AXDND1: variants seen among roughly 807,000 people sequenced by gnomAD.
The protein encoded by AXDND1 is axonemal dynein light chain domain-containing protein 1.
AXDND1 carries 110 observed loss-of-function variants against 137.5 expected under a neutral mutation model. The observed-to-expected ratio is 0.80, with a 90% confidence interval of 0.69 to 0.94. The LOEUF is 0.94. AXDND1 is among the 40% of genes least tolerant of loss of function. The probability of loss-of-function intolerance (pLI) is 0.00; values close to 1 mark genes in which losing one functional copy is unlikely to be tolerated. For missense variants in AXDND1, 1,191 were observed against 1,169.8 expected (o/e 1.02, Z -0.26); for synonymous variants, 414 against 399.7 (o/e 1.04, Z -0.43).
At chr1:179,450,303 G>A (rs1401514349) in intron 16 of AXDND1, 1 of 152,114 alleles carries the variant, frequency 6.6e-6, no homozygotes, top group Non-Finnish European at 1.5e-5. Flanking sequence ...CGTGAGCCAT[G>A]GTGGCCTGGA....
chr1:179,398,226 A>G (rs1374926504), intron 11 of AXDND1, among the ~76,000 whole-genome samples: 1 of 152,132 alleles, frequency 6.6e-6, no homozygotes, highest in Non-Finnish European at 1.5e-5. Context: ...GGATTCAACC[A>G]ACTGGCTTTA....
At chr1:179,390,687 C>CTGGT (rs5779023) in intron 9 of AXDND1, among the ~76,000 whole-genome samples, 132,118 of 151,848 alleles carry the variant, frequency 0.87, 57,557 homozygotes, top group East Asian at 0.9. Flanking sequence ...AATTAGGGCT[C>CTGGT]TACAATTTTC....
At chr1:179,396,907 G>A (rs1175468115) in intron 11 of AXDND1, among the ~76,000 whole-genome samples, 1 of 152,112 alleles carries the variant, frequency 6.6e-6, no homozygotes, top group Non-Finnish European at 1.5e-5. Context: ...CTTGAAGATA[G>A]CATACCAATG....
chr1:179,510,850 A>G (rs1374317628), intron 21 of AXDND1, among the ~76,000 whole-genome samples: 3 of 152,080 alleles, frequency 2.0e-5, no homozygotes, highest in Non-Finnish European at 4.4e-5. Context: ...CCATCACTCG[A>G]GTAGTATACA....
intron 16 of AXDND1, among the ~76,000 whole-genome samples, chr1:179,459,883 TC>T (rs1375661376): frequency 1.4e-5 from 2 of 141,902 alleles, no homozygotes; most frequent in Non-Finnish European, 3.0e-5. Flanking sequence ...TTTTCTTTTC[TC>T]TTTTCTTTTC....
At chr1:179,423,795 A>C (rs12757935) in intron 12 of AXDND1, among the ~76,000 whole-genome samples, 44,636 of 152,058 alleles carry the variant, frequency 0.29, 6,760 homozygotes, top group Non-Finnish European at 0.31. Flanking sequence ...GTATATATTA[A>C]CCATCTCTTA....
chr1:179,427,635 A>G (rs546725489), intron 12 of AXDND1, among the ~76,000 whole-genome samples: 142 of 152,302 alleles, frequency 9.3e-4, no homozygotes, highest in African/African-American at 3.3e-3. Flanking sequence ...AATAATTACC[A>G]TGATATTATT....
intron 12 of AXDND1, among the ~76,000 whole-genome samples, chr1:179,419,311 C>T (rs899895964): frequency 6.6e-6 from 1 of 151,992 alleles, no homozygotes; most frequent in African/African-American, 2.4e-5. Context: ...CACTGCACTC[C>T]AGCCTGGGCA....
At chr1:179,467,136 A>G (rs1481527554) in intron 16 of AXDND1, among the ~76,000 whole-genome samples, 1 of 152,190 alleles carries the variant, frequency 6.6e-6, no homozygotes, top group Non-Finnish European at 1.5e-5. Context: ...CATGAAAGAT[A>G]TTAAAAATTC....
At chr1:179,387,531 A>G (rs1649416475) in intron 9 of AXDND1, among the ~76,000 whole-genome samples, 1 of 152,248 alleles carries the variant, frequency 6.6e-6, no homozygotes, top group South Asian at 2.1e-4. Flanking sequence ...GGGGAGAAAC[A>G]TTTAAACCTA....
chr1:179,459,617 G>T (rs1661926504), intron 16 of AXDND1, among the ~76,000 whole-genome samples: 1 of 151,704 alleles, frequency 6.6e-6, no homozygotes, highest in Non-Finnish European at 1.5e-5. Context: ...AATGTCTTTG[G>T]TATTTTCTAT....
intron 25 of AXDND1, among the ~76,000 whole-genome samples, chr1:179,536,072 T>G (rs556020242): frequency 8.5e-5 from 13 of 152,238 alleles, no homozygotes; most frequent in Non-Finnish European, 1.6e-4. Context: ...TGGTGTTGTT[T>G]GCTTTTTTCT....
At chr1:179,490,753 A>C (rs1326583091) in intron 18 of AXDND1, among the ~76,000 whole-genome samples, 1 of 125,038 alleles carries the variant, frequency 8.0e-6, no homozygotes, top group Non-Finnish European at 1.7e-5. Flanking sequence ...TAATTTTCAC[A>C]CAGTACTTGT....
At chr1:179,443,948 A>G (rs1659353727) in intron 15 of AXDND1, among the ~76,000 whole-genome samples, 1 of 145,070 alleles carries the variant, frequency 6.9e-6, no homozygotes, top group African/African-American at 2.5e-5. Context: ...AAAATTTCAT[A>G]AGATCCCAAC....
intron 12 of AXDND1, among the ~76,000 whole-genome samples, chr1:179,418,362 A>G (rs902327993): frequency 1.3e-5 from 2 of 152,256 alleles, no homozygotes; most frequent in Admixed American, 1.3e-4. Flanking sequence ...AGTACGGAAC[A>G]AAATGAAAAG....
intron 15 of AXDND1, among the ~76,000 whole-genome samples, chr1:179,440,398 A>G (rs1312423402): frequency 3.3e-5 from 5 of 152,254 alleles, no homozygotes; most frequent in Non-Finnish European, 7.3e-5. Flanking sequence ...AAGTGTCTAT[A>G]GTCACATGAA....
intron 11 of AXDND1, 32 bp downstream of exon 11, chr1:179,395,234 A>C (rs1650862268): frequency 1.3e-6 from 2 of 1,557,878 alleles, no homozygotes; most frequent in Non-Finnish European, 8.8e-7. Context: ...TAGCTTACAT[A>C]GGGGAAAAGG....
chr1:179,540,271 G>T (rs1435258284), intron 25 of AXDND1, among the ~76,000 whole-genome samples: 1 of 152,086 alleles, frequency 6.6e-6, no homozygotes, highest in Non-Finnish European at 1.5e-5. Context: ...AGGATAAGAG[G>T]CATTCTGGTT....
chr1:179,531,258 C>G (rs1307338654), intron 23 of AXDND1, among the ~76,000 whole-genome samples: 2 of 152,096 alleles, frequency 1.3e-5, no homozygotes, highest in African/African-American at 4.8e-5. Context: ...AAATACCAAC[C>G]TTAGGTTCTA....
Sources: allele counts gnomAD v4.1 joint callset (sites outside exome capture counted in the v4.1 genomes callset), GRCh38; gene constraint gnomAD v4.1.1; transcripts MANE v1.5; gene names NCBI Gene and HGNC (gene_info 2026-07-23, HGNC 2026-07-21).